The following CUX2 variants were observed in gnomAD, a reference collection of about 807,000 sequenced individuals.
CUX2 encodes homeobox protein cut-like 2.
A neutral mutation model predicts 144.8 loss-of-function variants in CUX2; 40 were observed. The ratio of observed to expected loss-of-function variants is 0.28; its 90% CI spans 0.21 to 0.36. The LOEUF (loss-of-function observed/expected upper bound fraction) is 0.36. Ranked by LOEUF, CUX2 falls within the 10% of genes least tolerant of loss-of-function variation. The pLI is 1.00. For synonymous variants in CUX2, 827 were observed against 875.6 expected (o/e 0.94, Z 0.98); for missense variants, 1,615 against 1,994.0 (o/e 0.81, Z 3.62).
chr12:111,239,559 G>C (rs1273449519), intron 3 of CUX2, among the ~76,000 whole-genome samples: 2 of 152,214 alleles, frequency 1.3e-5, no homozygotes, highest in African/African-American at 2.4e-5. Context: ...GCCCCAGGGT[G>C]GTTTTGTACC....
chr12:111,311,622 G>A (rs1374121293), intron 15 of CUX2, among the ~76,000 whole-genome samples: 10 of 135,686 alleles, frequency 7.4e-5, no homozygotes, highest in Non-Finnish European at 4.6e-5. Flanking sequence ...TTTTTGAGAC[G>A]GAGTCTTGTT....
intron 3 of CUX2, among the ~76,000 whole-genome samples, chr12:111,219,057 C>T (rs1305160379): frequency 1.3e-5 from 2 of 152,156 alleles, no homozygotes; most frequent in Non-Finnish European, 2.9e-5. Context: ...AAGGATTGGC[C>T]GTACTCGGAT....
chr12:111,095,640 T>G (rs1872771949), intron 1 of CUX2, among the ~76,000 whole-genome samples: 1 of 152,178 alleles, frequency 6.6e-6, no homozygotes, highest in African/African-American at 2.4e-5. Context: ...AAAGTAAGCA[T>G]AGCAGTGCTC....
chr12:111,067,342 G>A (rs539287808), intron 1 of CUX2, among the ~76,000 whole-genome samples: 107 of 152,294 alleles, frequency 7.0e-4, no homozygotes, highest in African/African-American at 2.4e-3. Flanking sequence ...GACGTGGGAA[G>A]GAAGAAAGGA....
chr12:111,297,063 G>A (rs1268282975), intron 8 of CUX2, among the ~76,000 whole-genome samples: 3 of 120,156 alleles, frequency 2.5e-5, no homozygotes, highest in Non-Finnish European at 1.8e-5. Flanking sequence ...CTTCCAGACA[G>A]GCCTCCTCTC....
chr12:111,086,727 G>T (rs1370993159), intron 1 of CUX2, among the ~76,000 whole-genome samples: 1 of 152,166 alleles, frequency 6.6e-6, no homozygotes, highest in Non-Finnish European at 1.5e-5. Context: ...TGGGGCTGAT[G>T]GAGCAGTTAT....
At chr12:111,097,246 G>T (rs1411203573) in intron 1 of CUX2, among the ~76,000 whole-genome samples, 1 of 152,144 alleles carries the variant, frequency 6.6e-6, no homozygotes, top group Non-Finnish European at 1.5e-5. Context: ...ACCAGGTGTG[G>T]CCTTGGAGTG....
rs1428801322 is a variant in CUX2, at chr12:111,307,650, TG to T, written c.1109+395del. 6.6e-6 allele frequency among the ~76,000 whole-genome samples: 1 copy of T among 152,198 alleles called. No individual in the cohort carries two copies. Among genetic ancestry groups the T allele is most frequent in the African/African-American group, 2.4e-5 (1 of 41,442 alleles). ...AGGTCAAGGCTGCAGTGAGCTGTGGTGGCACCACTGCACTCCAGCCTGGACA... is the reference window on the plus strand; with the variant it reads ...AGGTCAAGGCTGCAGTGAGCTGTGGTGCACCACTGCACTCCAGCCTGGACA... On this transcript the variant is annotated intron_variant, in intron 12 of 21. Transcript: ENST00000261726. This position sits in a 1 kb window ranked among gnomAD's most constrained non-coding sequence, Gnocchi z 4.1.
intron 4 of CUX2, among the ~76,000 whole-genome samples, chr12:111,285,027 G>A (rs567625249): frequency 1.3e-5 from 2 of 152,210 alleles, no homozygotes; most frequent in East Asian, 1.9e-4. Flanking sequence ...AACCTGTGAC[G>A]ACGTCCGGGA....
intron 1 of CUX2, among the ~76,000 whole-genome samples, chr12:111,162,189 T>C (rs1877816305): frequency 1.3e-5 from 2 of 152,164 alleles, no homozygotes; most frequent in Admixed American, 1.3e-4. Flanking sequence ...AGCCCTGAAC[T>C]CTCTCTCAGA....
intron 1 of CUX2, among the ~76,000 whole-genome samples, chr12:111,147,339 C>A (rs1313685680): frequency 6.6e-6 from 1 of 152,116 alleles, no homozygotes; most frequent in Non-Finnish European, 1.5e-5. Context: ...TAATCTTGCT[C>A]CCCCAGCCAG....
At chr12:111,058,845 A>G (rs1006291754) in intron 1 of CUX2, among the ~76,000 whole-genome samples, 1 of 152,216 alleles carries the variant, frequency 6.6e-6, no homozygotes, top group Admixed American at 6.5e-5. Flanking sequence ...ATTCCTGAAA[A>G]TAAGAGGAGG....
chr12:111,288,194 C>T (rs1470451367), intron 4 of CUX2, among the ~76,000 whole-genome samples: 2 of 151,918 alleles, frequency 1.3e-5, no homozygotes, highest in African/African-American at 4.8e-5. Flanking sequence ...GGAGGGTGTT[C>T]CTGGCAAAGG....
chr12:111,238,568 G>A (rs1202499446), intron 3 of CUX2, among the ~76,000 whole-genome samples: 1 of 152,218 alleles, frequency 6.6e-6, no homozygotes, highest in Non-Finnish European at 1.5e-5. Flanking sequence ...ATGTGGCAGA[G>A]ACAAGATTTG....
intron 3 of CUX2, among the ~76,000 whole-genome samples, chr12:111,252,115 G>A (rs1846594193): frequency 6.6e-6 from 1 of 152,170 alleles, no homozygotes; most frequent in Non-Finnish European, 1.5e-5. Flanking sequence ...GAGCCCAGGA[G>A]TTTGAGGCCA....
At chr12:111,150,723 C>T (rs546924047) in intron 1 of CUX2, among the ~76,000 whole-genome samples, 15 of 130,478 alleles carry the variant, frequency 1.1e-4, no homozygotes, top group African/African-American at 3.3e-4. Context: ...AGGATCCTTC[C>T]AGAGCTGCCC....
At chr12:111,132,071 A>C (rs1447910370) in intron 1 of CUX2, among the ~76,000 whole-genome samples, 7 of 152,160 alleles carry the variant, frequency 4.6e-5, no homozygotes, top group Non-Finnish European at 1.0e-4. Context: ...CCCTGCAGCA[A>C]ACTTTTGCCT....
intron 1 of CUX2, among the ~76,000 whole-genome samples, chr12:111,052,115 C>T (rs1378827511): frequency 6.6e-6 from 1 of 152,108 alleles, no homozygotes; most frequent in Non-Finnish European, 1.5e-5. Context: ...GGCACCATAG[C>T]CCCCATGGGT....
intron 3 of CUX2, among the ~76,000 whole-genome samples, chr12:111,228,266 C>A (rs926841119): frequency 6.6e-5 from 10 of 152,070 alleles, no homozygotes; most frequent in African/African-American, 2.4e-4. Context: ...GGTTCAACTC[C>A]CCATTTTGCT....
Sources: allele counts gnomAD v4.1 joint callset (sites outside exome capture counted in the v4.1 genomes callset), GRCh38; gene constraint gnomAD v4.1.1; non-coding constraint Gnocchi (gnomAD v3.1); transcripts MANE v1.5; gene names NCBI Gene and HGNC (gene_info 2026-07-23, HGNC 2026-07-21).